Variants in DNAH14 observed in about 807,000 individuals in gnomAD.
The protein encoded by DNAH14 is dynein axonemal heavy chain 14.
In DNAH14, 478 loss-of-function variants were observed where a neutral mutation model predicts 520.9. That is an observed-to-expected ratio of 0.92 (90% CI 0.85 to 0.99). DNAH14 has a LOEUF of 0.99. Among genes scored for constraint, DNAH14 ranks in the 50% least tolerant of loss-of-function variants. The probability of loss-of-function intolerance (pLI) is 0.00; values close to 1 mark genes in which losing one functional copy is unlikely to be tolerated. For missense variants in DNAH14, 4,831 were observed against 5,234.5 expected, an observed-to-expected ratio of 0.92 and a Z score of 2.38; for synonymous variants, 1,581 against 1,757.2, an observed-to-expected ratio of 0.90 and a Z score of 2.51.
At chr1:225,060,512 C>G (rs938070763) in intron 17 of DNAH14, among the ~76,000 whole-genome samples, 1 of 152,190 alleles carries the variant, frequency 6.6e-6, no homozygotes, top group Non-Finnish European at 1.5e-5. Flanking sequence ...TTTCTCTCAA[C>G]TCGTCAAAGT....
At chr1:224,941,383 A>G (rs1392238171) in intron 1 of DNAH14, among the ~76,000 whole-genome samples, 1 of 151,812 alleles carries the variant, frequency 6.6e-6, no homozygotes, top group African/African-American at 2.4e-5. Context: ...TTTTTCTTGT[A>G]AATTTGTTTG....
chr1:225,115,459 G>A (rs1573216534), intron 23 of DNAH14, among the ~76,000 whole-genome samples: 1 of 152,220 alleles, frequency 6.6e-6, no homozygotes, highest in African/African-American at 2.4e-5. Context: ...GAGATTTGTG[G>A]TGTACATATT....
chr1:225,151,558 A>G (rs183937365), intron 31 of DNAH14, among the ~76,000 whole-genome samples: 1 of 152,282 alleles, frequency 6.6e-6, no homozygotes, highest in Admixed American at 6.5e-5. Context: ...CAAGCATTCT[A>G]TCTCATAGTG....
At chr1:225,284,697 G>A (rs1172276130) in intron 54 of DNAH14, among the ~76,000 whole-genome samples, 1 of 152,044 alleles carries the variant, frequency 6.6e-6, no homozygotes, top group Non-Finnish European at 1.5e-5. Flanking sequence ...GAAAACTACA[G>A]GCTAATATCC....
chr1:225,142,276 T>A (rs1276395280), intron 28 of DNAH14, among the ~76,000 whole-genome samples: 1 of 151,984 alleles, frequency 6.6e-6, no homozygotes, highest in Non-Finnish European at 1.5e-5. Context: ...TGTCTATGAG[T>A]TTAGGGCTAT....
At position 225,002,828 on chromosome 1, in the gene DNAH14, A is replaced by G; in HGVS notation, c.876A>G (p.Gln292=). Residue 292 remains glutamine (Q), a synonymous_variant, in exon 9 of 86, where the codon CAA becomes CAG. Coordinates refer to ENST00000682510, the MANE Select transcript of DNAH14 (RefSeq NM_001367479.1). ...TTTTTTTGGCTGATGACTTGTTTCA[A>G]ACCTGTTTGGTTTATATAAGAGGAC... ...HHLFLADDLF[Q]TCLVYIRGLC... 1 of 1,549,366 alleles carries G rather than the reference A, an allele frequency of 6.5e-7. No individual in the cohort carries two copies. Among genetic ancestry groups the G allele is most frequent in the Non-Finnish European group, 8.7e-7 (1 of 1,145,838 alleles).
rs1218533136 is a variant in DNAH14, at chr1:225,334,884, A to ATGTGTGTG, written c.10080+1396_10080+1403dup. On this transcript the variant is annotated intron_variant, in intron 66 of 85. Coordinates refer to ENST00000682510, the MANE Select transcript of DNAH14 (RefSeq NM_001367479.1). ...TCTCTGTCTCTCTCTCTACATATAT[A>ATGTGTGTG]TGTGTGTGTGTGTGTGTGTGTGTGT... Among the ~76,000 whole-genome samples, 135 of 143,232 alleles carry ATGTGTGTG rather than the reference A, an allele frequency of 9.4e-4. 1 individual carries two copies. Among genetic ancestry groups the ATGTGTGTG allele is most frequent in the African/African-American group, 3.1e-3 (121 of 39,140 alleles). The allele number at this position is 143,232 out of a possible 152,430, so 94.0% of individuals were successfully genotyped here. A position where few individuals can be genotyped will look rare whatever the true frequency, so the allele number is the denominator to read the frequency against.
At chr1:225,286,699 A>G (rs2093753382) in intron 54 of DNAH14, among the ~76,000 whole-genome samples, 1 of 152,220 alleles carries the variant, frequency 6.6e-6, no homozygotes, top group African/African-American at 2.4e-5. Flanking sequence ...TAGTCTTGCC[A>G]TATGAGCCAG....
chr1:225,098,081 C>T (rs1315179744), intron 22 of DNAH14, among the ~76,000 whole-genome samples: 1 of 151,978 alleles, frequency 6.6e-6, no homozygotes, highest in Non-Finnish European at 1.5e-5. Flanking sequence ...TGGTCCCACC[C>T]AGCTACTTGG....
chr1:224,964,609 G>A lies in DNAH14; in HGVS notation c.498G>A (p.Lys166=). Residue 166 remains lysine (K), a splice_region_variant and synonymous_variant, in exon 5 of 86, where the codon AAG becomes AAA. Transcript: ENST00000682510. ...TTGCAATTCAGAAGATTACTTTAAAGGTATTGTTCTATTTTATTTAATTTT... is the reference window on the plus strand; with the variant it reads ...TTGCAATTCAGAAGATTACTTTAAAAGTATTGTTCTATTTTATTTAATTTT... The part of the protein sequence containing the change: ...SKIAIQKITL[K]KPLEDDGEFV... 1 of 1,573,060 alleles carries A rather than the reference G, an allele frequency of 6.4e-7. No individual in the cohort carries two copies. Among genetic ancestry groups the A allele is most frequent in the Non-Finnish European group, 8.6e-7 (1 of 1,159,530 alleles).
chr1:225,359,185 A>C (rs149553578), intron 74 of DNAH14, among the ~76,000 whole-genome samples: 100 of 152,348 alleles, frequency 6.6e-4, no homozygotes, highest in African/African-American at 2.3e-3. Flanking sequence ...ACAACTTTAT[A>C]CTAAGAATAA....
chr1:224,966,969 A>C (rs1553342900), intron 5 of DNAH14, among the ~76,000 whole-genome samples: 1 of 152,224 alleles, frequency 6.6e-6, no homozygotes, highest in Non-Finnish European at 1.5e-5. Context: ...ATGTATATGA[A>C]AGAGTTATTA....
At chr1:225,305,368 A>G (rs1199432631) in intron 58 of DNAH14, among the ~76,000 whole-genome samples, 1 of 152,172 alleles carries the variant, frequency 6.6e-6, no homozygotes, top group Non-Finnish European at 1.5e-5. Flanking sequence ...TGAAAGCAAG[A>G]GTAACGAAGA....
chr1:225,347,817 CAG>C (rs1400322355), intron 71 of DNAH14, among the ~76,000 whole-genome samples: 4 of 152,070 alleles, frequency 2.6e-5, no homozygotes, highest in Admixed American at 1.3e-4. Flanking sequence ...AACAAAGACA[CAG>C]GGGGAAATGG....
chr1:225,132,789 C>T (rs1030399242), intron 27 of DNAH14, among the ~76,000 whole-genome samples: 4 of 152,088 alleles, frequency 2.6e-5, no homozygotes, highest in South Asian at 2.1e-4. Context: ...TTTGAGGAAT[C>T]GCCACACTAT....
rs2093457212 is a variant in DNAH14, at chr1:225,275,944, C to T, written c.8041C>T (p.His2681Tyr). Residue 2681 changes from histidine (H) to tyrosine (Y), a missense_variant, in exon 53 of 86, where the codon CAC becomes TAC. By Grantham distance (83) the His-to-Tyr change is moderately conservative. Transcript: ENST00000682510. ...IQWTQENLMN[H>Y]STVFLDFLDI... Reference sequence around the variant, plus strand: ...GTGGACCCAAGAAAACCTGATGAATCACTCAACTGTATTTTTGGACTTCTT... The same window carrying T: ...GTGGACCCAAGAAAACCTGATGAATTACTCAACTGTATTTTTGGACTTCTT... 1 of 361,414 alleles carries T rather than the reference C, an allele frequency of 2.8e-6. No homozygotes were observed. Among genetic ancestry groups the T allele is most frequent in the Non-Finnish European group, 5.5e-6 (1 of 180,784 alleles). 22.4% of individuals were successfully genotyped at this position (361,414 alleles called of 1,614,324 possible). A position where few individuals can be genotyped will look rare whatever the true frequency, so the allele number is the denominator to read the frequency against.
intron 46 of DNAH14, among the ~76,000 whole-genome samples, chr1:225,260,988 T>A (rs1314065657): frequency 1.3e-5 from 2 of 152,188 alleles, no homozygotes; most frequent in African/African-American, 4.8e-5. Flanking sequence ...GTATGTTGAG[T>A]TTGTATATCT....
At chr1:224,933,900 T>C (rs2058857555) in intron 1 of DNAH14, among the ~76,000 whole-genome samples, 1 of 151,952 alleles carries the variant, frequency 6.6e-6, no homozygotes, top group Non-Finnish European at 1.5e-5. Context: ...TTGTTGTTGT[T>C]GTGTTCTTGT....
At chr1:225,308,979 A>G (rs1424369610) in intron 60 of DNAH14, among the ~76,000 whole-genome samples, 1 of 152,232 alleles carries the variant, frequency 6.6e-6, no homozygotes, top group Non-Finnish European at 1.5e-5. Flanking sequence ...AACTCCATCA[A>G]TTAAAATACA....
Sources: gnomAD v4.1 joint callset for allele counts (sites outside exome capture counted in the v4.1 genomes callset) on GRCh38, gnomAD v4.1.1 for gene constraint, MANE v1.5 for transcripts, NCBI Gene and HGNC (gene_info 2026-07-23, HGNC 2026-07-21) for gene names.